JPH3: variants seen among roughly 807,000 people sequenced by gnomAD.
JPH3 encodes the protein junctophilin 3.
In JPH3, 11 loss-of-function variants were observed where a neutral mutation model predicts 59.6. The observed-to-expected ratio is 0.18, with a 90% confidence interval of 0.12 to 0.31. The LOEUF is 0.31. Ranked by LOEUF, JPH3 falls within the 10% of genes least tolerant of loss-of-function variation. JPH3 has a pLI of 1.00. For synonymous variants in JPH3, 673 were observed against 483.6 expected (o/e 1.39, Z -5.14); for missense variants, 1,202 against 1,105.7 (o/e 1.09, Z -1.24).
At chr16:87,676,193 CT>C (rs2033137769) in intron 2 of JPH3, among the ~76,000 whole-genome samples, 1 of 152,162 alleles carries the variant, frequency 6.6e-6, no homozygotes, top group Admixed American at 6.5e-5. Flanking sequence ...ATGTGTTTAC[CT>C]TTGTATCAGC....
At chr16:87,653,539 A>C (rs1006923151) in intron 2 of JPH3, 3 of 152,264 alleles carry the variant, frequency 2.0e-5, no homozygotes, top group African/African-American at 7.2e-5. Flanking sequence ...AAGGACCTGA[A>C]ATGGAGGGGG....
intron 2 of JPH3, among the ~76,000 whole-genome samples, chr16:87,677,207 C>G (rs2033167869): frequency 8.2e-6 from 1 of 122,462 alleles, no homozygotes; most frequent in Admixed American, 8.6e-5. Flanking sequence ...CACACACACA[C>G]ACACACACAC....
At chr16:87,684,360 A>T in intron 3 of JPH3, 94 bp downstream of exon 3, 1 of 1,525,966 alleles carries the variant, frequency 6.6e-7, no homozygotes. Flanking sequence ...CAGAGCGGGT[A>T]GGCTTAGATG....
In JPH3 at chr16:87,689,993, G is replaced by A. The variant is rs1358167501; in HGVS notation, c.1633G>A (p.Gly545Ser). ...CGGGGGCTCCAGGGGTGTCCGCAGC[G>A]GTGCCCTGCGCGGCGGCCTGCTCGT... Reference protein sequence around the residue: ...QAGGSRGVRSGALRGGLLVDD... With the variant: ...QAGGSRGVRSSALRGGLLVDD... The change falls in exon 4 of 5, where the codon GGT becomes AGT. Residue 545 changes from glycine (G) to serine (S), a missense_variant. Transcript: ENST00000284262. 4 of 1,492,820 alleles carry A rather than the reference G, an allele frequency of 2.7e-6. No individual in the cohort carries two copies. The highest frequency in any genetic ancestry group is 1.4e-5 in the African/African-American group (1 of 71,496). 92.5% of individuals were successfully genotyped at this position (1,492,820 alleles called of 1,614,324 possible). A position where few individuals can be genotyped will look rare whatever the true frequency, so the allele number is the denominator to read the frequency against.
intron 3 of JPH3, among the ~76,000 whole-genome samples, chr16:87,684,990 C>T (rs1015649608): frequency 3.3e-5 from 5 of 152,190 alleles, no homozygotes; most frequent in East Asian, 1.9e-4. Context: ...GTTAGGAGCG[C>T]GCCCCCTCAA....
chr16:87,627,620 C>T (rs2031425605), intron 1 of JPH3, among the ~76,000 whole-genome samples: 1 of 152,184 alleles, frequency 6.6e-6, no homozygotes, highest in Non-Finnish European at 1.5e-5. Flanking sequence ...CTCCCAGGCT[C>T]TCATCCCTTT....
Position 87,696,704 on chromosome 16 carries a change from G to A in JPH3, c.*44G>A. ...AAAATAGAGAAAGGGTAGAAAAAAG[G>A]GACATTAAAATTAAAAGCAAAACCA... On this transcript the variant is annotated 3_prime_UTR_variant, in exon 5 of 5. Coordinates refer to ENST00000284262, the MANE Select transcript of JPH3 (RefSeq NM_020655.4). The A allele has an allele frequency of 1.3e-6, 2 of 1,518,002 alleles. No individual in the cohort carries two copies. The highest frequency in any genetic ancestry group is 1.8e-6 in the Non-Finnish European group (2 of 1,095,364). 94.0% of individuals were successfully genotyped at this position (1,518,002 alleles called of 1,614,324 possible).
chr16:87,684,565 G>A lies in JPH3; in HGVS notation c.1285+299G>A, dbSNP rs2033371762. 1.3e-5 allele frequency: 5 copies of A among 393,154 alleles called. No individual in the cohort carries two copies. The East Asian group carries it at 2.2e-4, about 17-fold the overall frequency. 24.4% of individuals were successfully genotyped at this position (393,154 alleles called of 1,614,324 possible). ...CGGTGAATTCCCACCTGCCCAGCCT[G>A]TGCTGTCTGCTGCCCGCCCTCCCCC... is the stretch of plus-strand genomic sequence containing the variant. On this transcript the variant is annotated intron_variant, in intron 3 of 4. Coordinates refer to ENST00000284262, the MANE Select transcript of JPH3 (RefSeq NM_020655.4).
At chr16:87,691,634 C>G (rs1160887540) in intron 4 of JPH3, among the ~76,000 whole-genome samples, 1 of 152,138 alleles carries the variant, frequency 6.6e-6, no homozygotes, top group Non-Finnish European at 1.5e-5. Flanking sequence ...CCGCGTGACA[C>G]CCCTTTGAAG....
rs566676227 is a variant in JPH3, at chr16:87,666,872, C to T, written c.1161-17270C>T. ...GAGGCCTAGCAGCCTGCCTCGTCAC[C>T]GAGTGGGAGCTTGGCAGGGCTGGGA... On this transcript the variant is annotated intron_variant, in intron 2 of 4. Transcript: ENST00000284262. 9.2e-5 allele frequency among the ~76,000 whole-genome samples: 14 copies of T among 152,368 alleles called. No homozygotes were observed. The South Asian group carries it at 1.7e-3, about 18-fold the overall frequency.
intron 2 of JPH3, among the ~76,000 whole-genome samples, chr16:87,658,066 C>T (rs1004062387): frequency 6.6e-6 from 1 of 152,194 alleles, no homozygotes; most frequent in African/African-American, 2.4e-5. Flanking sequence ...ACAAGATGGT[C>T]TCCTACCCCG....
chr16:87,644,347 T>A lies in JPH3; in HGVS notation c.472T>A (p.Ser158Thr), dbSNP rs1462320662. The change falls in exon 2 of 5, where the codon TCA becomes ACA. Residue 158 changes from serine (S) to threonine (T), a missense_variant. Physicochemically the swap from Ser to Thr is moderately conservative, Grantham distance 58. Transcript: ENST00000284262. ...VPYGMAAVIRSPLRTSINSLR... is the reference protein window; with the variant it reads ...VPYGMAAVIRTPLRTSINSLR... ...GTATGGCATGGCCGCGGTCATCCGC[T>A]CACCCCTGAGGACGTCCATCAACTC... The A allele has an allele frequency of 6.2e-7, 1 of 1,612,800 alleles. No individual in the cohort carries two copies. Among genetic ancestry groups the A allele is most frequent in the South Asian group, 1.1e-5 (1 of 91,070 alleles).
intron 1 of JPH3, 68 bp downstream of exon 1, chr16:87,603,596 A>G: frequency 6.7e-7 from 1 of 1,493,900 alleles, no homozygotes; most frequent in South Asian, 1.3e-5. Context: ...CCTTCTGTGG[A>G]TCTCTGGGGA....
intron 1 of JPH3, 141 bp from the exon 2 acceptor site, chr16:87,644,117 A>G (rs887789917): frequency 4.5e-6 from 4 of 886,162 alleles, no homozygotes; most frequent in South Asian, 3.4e-5. Context: ...CAGCCTGGGC[A>G]ACACAGCGAG....
chr16:87,629,393 C>T (rs1242950010), intron 1 of JPH3, among the ~76,000 whole-genome samples: 1 of 149,526 alleles, frequency 6.7e-6, no homozygotes, highest in Non-Finnish European at 1.5e-5. Context: ...GCTCTTTATT[C>T]TGAGATTTGG....
chr16:87,604,756 C>A, intron 1 of JPH3: 2 of 838,662 alleles, frequency 2.4e-6, no homozygotes, highest in Non-Finnish European at 1.6e-6. Context: ...TTGGCTTATG[C>A]AACTGAAAAG....
intron 1 of JPH3, among the ~76,000 whole-genome samples, chr16:87,634,206 C>T (rs112342639): frequency 4.1e-4 from 62 of 152,304 alleles, no homozygotes; most frequent in African/African-American, 1.4e-3. Context: ...CACGTTGGAC[C>T]TGTGCCCAGG....
chr16:87,649,938 C>G (rs2032278235), intron 2 of JPH3, among the ~76,000 whole-genome samples: 1 of 152,238 alleles, frequency 6.6e-6, no homozygotes, highest in Non-Finnish European at 1.5e-5. Context: ...GACCCCCTCT[C>G]TGCTGCGTCT....
chr16:87,693,315 A>G (rs894661493), intron 4 of JPH3, among the ~76,000 whole-genome samples: 1 of 152,230 alleles, frequency 6.6e-6, no homozygotes, highest in Non-Finnish European at 1.5e-5. Flanking sequence ...CTGCATCCCA[A>G]GGACAGTTTA....
Sources: allele counts gnomAD v4.1 joint callset (sites outside exome capture counted in the v4.1 genomes callset), GRCh38; gene constraint gnomAD v4.1.1; transcripts MANE v1.5; gene names NCBI Gene and HGNC (gene_info 2026-07-23, HGNC 2026-07-21).